RANBP9: variants seen among roughly 807,000 people sequenced by gnomAD.
RANBP9 encodes the protein RAN binding protein 9.
Under a neutral mutation model 84.3 loss-of-function variants are expected in RANBP9, and 15 were observed. That is an observed-to-expected ratio of 0.18 (90% CI 0.12 to 0.27). The LOEUF is 0.27. Ranked by LOEUF, RANBP9 falls within the 10% of genes least tolerant of loss-of-function variation. The pLI, the probability that RANBP9 is intolerant of heterozygous loss-of-function variation, is 1.00. For missense variants in RANBP9, 809 were observed against 912.8 expected (o/e 0.89, Z 1.46); for synonymous variants, 392 against 349.6 (o/e 1.12, Z -1.35).
rs150661676 is a variant in RANBP9, at chr6:13,706,686, C to A, written c.571+4249G>T. Among the ~76,000 whole-genome samples the A allele has an allele frequency of 3.5e-3, 502 of 145,236 alleles. 2 individuals are homozygous for A. The highest frequency in any genetic ancestry group is 0.013 in the African/African-American group (489 of 39,036). On this transcript the variant is annotated intron_variant, in intron 1 of 13. Transcript: ENST00000011619. ...CCAGCCTGACAACAGCAGAGCGAGA[C>A]TCCATCTTAAAAAAAAAAAAAAAGG...
At chr6:13,640,220 A>G (rs1765033527) in intron 8 of RANBP9, among the ~76,000 whole-genome samples, 1 of 152,182 alleles carries the variant, frequency 6.6e-6, no homozygotes, top group Non-Finnish European at 1.5e-5. Context: ...AAGCAAAACA[A>G]TTCTGTCATT....
At chr6:13,705,866 C>T (rs1758099244) in intron 1 of RANBP9, among the ~76,000 whole-genome samples, 1 of 49,326 alleles carries the variant, frequency 2.0e-5, no homozygotes, top group Admixed American at 3.0e-4. Context: ...AAGACTCCGT[C>T]TCAAAAAAAA....
At chr6:13,680,485 C>A (rs994379112) in intron 2 of RANBP9, among the ~76,000 whole-genome samples, 5 of 152,180 alleles carry the variant, frequency 3.3e-5, no homozygotes, top group Admixed American at 3.3e-4. Flanking sequence ...TGCGTGTAAT[C>A]CCAGCACTTT....
intron 1 of RANBP9, among the ~76,000 whole-genome samples, chr6:13,704,941 C>T (rs1004745277): frequency 1.3e-5 from 2 of 152,102 alleles, no homozygotes; most frequent in Non-Finnish European, 2.9e-5. Context: ...ATAATATTTC[C>T]CTTACTACTC....
intron 6 of RANBP9, among the ~76,000 whole-genome samples, chr6:13,643,230 T>C (rs920824548): frequency 6.6e-6 from 1 of 152,220 alleles, no homozygotes; most frequent in African/African-American, 2.4e-5. Context: ...ATGGTTTACA[T>C]GTAAGTGACA....
intron 7 of RANBP9, 136 bp from the exon 8 acceptor site, chr6:13,641,443 A>T (rs1765060628): frequency 1.7e-6 from 1 of 590,424 alleles, no homozygotes; most frequent in Admixed American, 3.7e-5. Context: ...CTCTAACATC[A>T]TAGTTTCCAT....
At chr6:13,696,107 G>A (rs949442081) in intron 2 of RANBP9, among the ~76,000 whole-genome samples, 12 of 152,024 alleles carry the variant, frequency 7.9e-5, no homozygotes, top group African/African-American at 2.7e-4. Flanking sequence ...TCAGTGTGGA[G>A]CTTTCTCAAA....
Position 13,639,089 on chromosome 6 carries a change from C to G in RANBP9, c.1525+474G>C, listed in dbSNP as rs192715392. On this transcript the variant is annotated intron_variant, in intron 9 of 13. Transcript: ENST00000011619. ...CAGACAGCTGTTCTTCAAGTGACTTCCTGGTACTGAGAACATGTCAATCTG... is the reference window on the plus strand; with the variant it reads ...CAGACAGCTGTTCTTCAAGTGACTTGCTGGTACTGAGAACATGTCAATCTG... 1.3e-4 allele frequency among the ~76,000 whole-genome samples: 20 copies of G among 152,298 alleles called. No homozygotes were observed. The East Asian group carries it at 3.9e-3, about 29-fold the overall frequency.
chr6:13,632,525 T>C lies in RANBP9; in HGVS notation c.1796-4A>G. ...CTCAACTGACTTGAATCAACTTCTG[T>C]AAGAAAAACAGACAAGTATTTTACT... On this transcript the variant is annotated splice_region_variant and splice_polypyrimidine_tract_variant and intron_variant, in intron 11 of 13. Transcript: ENST00000011619. The C allele has an allele frequency of 6.2e-7, 1 of 1,610,010 alleles. No individual in the cohort carries two copies. The highest frequency in any genetic ancestry group is 1.1e-5 in the South Asian group (1 of 90,904).
intron 1 of RANBP9, among the ~76,000 whole-genome samples, chr6:13,697,590 A>C (rs1757871045): frequency 6.6e-6 from 1 of 152,200 alleles, no homozygotes; most frequent in Non-Finnish European, 1.5e-5. Flanking sequence ...CAAACTTTTT[A>C]AACCAGCTAT....
At chr6:13,710,282 T>C (rs113153928) in intron 1 of RANBP9, among the ~76,000 whole-genome samples, 4 of 152,176 alleles carry the variant, frequency 2.6e-5, no homozygotes, top group African/African-American at 7.2e-5. Flanking sequence ...AGGACCTGTA[T>C]AGGGCACTTC....
intron 1 of RANBP9, among the ~76,000 whole-genome samples, chr6:13,705,719 C>T (rs368512173): frequency 5.1e-4 from 77 of 151,796 alleles, no homozygotes; most frequent in South Asian, 5.0e-3. Flanking sequence ...AGAAATTAGC[C>T]AGGCGTGGTG....
chr6:13,650,578 G>T (rs1200455455), intron 5 of RANBP9, among the ~76,000 whole-genome samples: 1 of 152,124 alleles, frequency 6.6e-6, no homozygotes, highest in African/African-American at 2.4e-5. Flanking sequence ...AAACTCTTGG[G>T]ACTGAGTTGC....
chr6:13,711,339 C>G lies in RANBP9; in HGVS notation c.167G>C (p.Gly56Ala). 1 of 1,125,126 alleles carries G rather than the reference C, an allele frequency of 8.9e-7. No individual in the cohort carries two copies. Among genetic ancestry groups the G allele is most frequent in the Non-Finnish European group, 1.1e-6 (1 of 920,444 alleles). The allele number at this position is 1,125,126 out of a possible 1,614,324, so 69.7% of individuals were successfully genotyped here. The change falls in exon 1 of 14, where the codon GGC becomes GCC. Residue 56 changes from glycine (G) to alanine (A), a missense_variant. Physicochemically the swap from Gly to Ala is moderately conservative, Grantham distance 60. Coordinates refer to ENST00000011619, the MANE Select transcript of RANBP9 (RefSeq NM_005493.3). ...SPAGSPGGGA[G>A]GEGLGAAAAA... Reference sequence around the variant, plus strand: ...CGCCGCGGCCCCTAAGCCTTCGCCGCCCGCACCGCCGCCGGGCGAGCCGGC... The same window carrying G: ...CGCCGCGGCCCCTAAGCCTTCGCCGGCCGCACCGCCGCCGGGCGAGCCGGC...
At chr6:13,688,766 A>C (rs994996467) in intron 2 of RANBP9, among the ~76,000 whole-genome samples, 4 of 151,896 alleles carry the variant, frequency 2.6e-5, no homozygotes, top group African/African-American at 9.7e-5. Context: ...TAAACTCTGT[A>C]GCAGTCTTGC....
At chr6:13,629,450 GTTATT>G (rs1764714993) in intron 12 of RANBP9, among the ~76,000 whole-genome samples, 1 of 152,154 alleles carries the variant, frequency 6.6e-6, no homozygotes, top group Admixed American at 6.5e-5. Context: ...AGCATTATGG[GTTATT>G]TTAAAGCAAA....
intron 12 of RANBP9, among the ~76,000 whole-genome samples, chr6:13,626,191 C>T (rs1764598829): frequency 6.6e-6 from 1 of 152,222 alleles, no homozygotes; most frequent in African/African-American, 2.4e-5. Context: ...ACACATCTCA[C>T]TGGGATGTCA....
intron 2 of RANBP9, among the ~76,000 whole-genome samples, chr6:13,661,414 T>G (rs1284664635): frequency 6.6e-6 from 1 of 151,856 alleles, no homozygotes; most frequent in African/African-American, 2.4e-5. Flanking sequence ...AATGTTAAAC[T>G]TCCCAATCAA....
At chr6:13,623,775 T>G (rs1458814446) in intron 13 of RANBP9, among the ~76,000 whole-genome samples, 2 of 152,198 alleles carry the variant, frequency 1.3e-5, no homozygotes, top group East Asian at 3.8e-4. Context: ...GTCATTAATT[T>G]TACAGGAATC....
Sources: gnomAD v4.1 joint callset for allele counts (sites outside exome capture counted in the v4.1 genomes callset) on GRCh38, gnomAD v4.1.1 for gene constraint, MANE v1.5 for transcripts, NCBI Gene and HGNC (gene_info 2026-07-23, HGNC 2026-07-21) for gene names.